The following NRXN1 variants were observed in gnomAD, a reference collection of about 807,000 sequenced individuals.
NRXN1 encodes neurexin-1.
NRXN1 carries 39 observed loss-of-function variants against 150.9 expected under a neutral mutation model. The observed-to-expected ratio is 0.26, with a 90% CI of 0.20 to 0.34. NRXN1 has a LOEUF of 0.34. NRXN1 is among the 10% of genes least tolerant of loss of function. The pLI is 1.00. For missense variants in NRXN1, 1,815 were observed against 1,949.9 expected, an observed-to-expected ratio of 0.93 and a Z score of 1.30; for synonymous variants, 924 against 757.0, an observed-to-expected ratio of 1.22 and a Z score of -3.62.
chr2:51,004,691 C>T (rs1338327174), intron 2 of NRXN1, among the ~76,000 whole-genome samples: 1 of 151,684 alleles, frequency 6.6e-6, no homozygotes, highest in Non-Finnish European at 1.5e-5. Flanking sequence ...AAAAGGGACT[C>T]GGGGGTATGA....
At chr2:50,107,605 A>AC (rs145800051) in intron 18 of NRXN1, among the ~76,000 whole-genome samples, 35,245 of 147,300 alleles carry the variant, frequency 0.24, 4,473 homozygotes, top group Middle Eastern at 0.34. Context: ...AGAAAAAAAA[A>AC]CTACCCAGCT....
At chr2:50,833,495 G>T (rs1026049192) in intron 5 of NRXN1, among the ~76,000 whole-genome samples, 1 of 152,182 alleles carries the variant, frequency 6.6e-6, no homozygotes, top group Non-Finnish European at 1.5e-5. Flanking sequence ...TATTTACAGA[G>T]AGAACTTGCA....
chr2:50,495,799 G>A (rs1429647995), intron 15 of NRXN1, 106 bp downstream of exon 15: 2 of 862,076 alleles, frequency 2.3e-6, no homozygotes, highest in African/African-American at 1.7e-5. Context: ...TGAAATTCTG[G>A]TCAGTCTTTG....
intron 5 of NRXN1, among the ~76,000 whole-genome samples, chr2:50,872,387 G>C (rs1344443129): frequency 2.0e-5 from 3 of 151,734 alleles, no homozygotes; most frequent in Non-Finnish European, 4.4e-5. Flanking sequence ...GAGGAGTGTG[G>C]AGTACTTGCA....
intron 5 of NRXN1, among the ~76,000 whole-genome samples, chr2:50,657,696 T>A (rs1266037624): frequency 1.3e-5 from 2 of 152,056 alleles, no homozygotes. Flanking sequence ...AAGAGTTCTG[T>A]GTTCTGCCAT....
intron 21 of NRXN1, among the ~76,000 whole-genome samples, chr2:50,050,385 T>G (rs1003976135): frequency 3.3e-5 from 5 of 152,042 alleles, no homozygotes; most frequent in African/African-American, 1.2e-4. Context: ...GTTTCCATAG[T>G]TTTAAAACAT....
At chr2:49,965,506 G>T (rs781299259) in intron 21 of NRXN1, among the ~76,000 whole-genome samples, 1 of 151,926 alleles carries the variant, frequency 6.6e-6, no homozygotes, top group Non-Finnish European at 1.5e-5. Flanking sequence ...GACCTCAGGC[G>T]ATCCACCCTC....
In NRXN1 at chr2:50,541,460, G is replaced by A. The variant is rs116053769; in HGVS notation, c.1760-2824C>T. 5.8e-3 allele frequency among the ~76,000 whole-genome samples: 890 copies of A among 152,252 alleles called. 28 individuals are homozygous for A. Among genetic ancestry groups the A allele is most frequent in the Admixed American group, 0.05 (766 of 15,282 alleles). ...TTTAGACAATCATTCATTACAGTTT[G>A]TCTGACAGTAAGGATGGAGTAACTG... On this transcript the variant is annotated intron_variant, in intron 9 of 22. Transcript: ENST00000401669.
chr2:49,943,467 G>C (rs1295346071), intron 22 of NRXN1, among the ~76,000 whole-genome samples: 1 of 152,154 alleles, frequency 6.6e-6, no homozygotes, highest in South Asian at 2.1e-4. Context: ...TAAGGTAGAA[G>C]CCCTGTGTGC....
In NRXN1 at chr2:50,483,050, CAAAAAA is replaced by C. The variant is rs70948712; in HGVS notation, c.3071-10585_3071-10580del. Among the ~76,000 whole-genome samples, 85 of 75,406 alleles carry C rather than the reference CAAAAAA, an allele frequency of 1.1e-3. 1 individual carries two copies. Among genetic ancestry groups the C allele is most frequent in the Admixed American group, 4.0e-3 (23 of 5,724 alleles). 49.5% of individuals were successfully genotyped at this position (75,406 alleles called of 152,430 possible). A position where few individuals can be genotyped will look rare whatever the true frequency, so the allele number is the denominator to read the frequency against. On this transcript the variant is annotated intron_variant, in intron 15 of 22. Transcript: ENST00000401669. The stretch of plus-strand genomic sequence containing the variant: ...TGGGCGACAGGGAGAGACTCCGTGT[CAAAAAA>C]AAAAAAAAAAAAAAAAAGGAATCTG...
intron 2 of NRXN1, among the ~76,000 whole-genome samples, chr2:50,990,761 GCT>G: frequency 6.6e-6 from 1 of 151,980 alleles, no homozygotes; most frequent in Non-Finnish European, 1.5e-5. Context: ...TCTCCCAGGA[GCT>G]GTTTCCCAGA....
In NRXN1 at chr2:50,582,802, A is replaced by G. The variant is rs149002910; in HGVS notation, c.1321-29777T>C. On this transcript the variant is annotated intron_variant, in intron 8 of 22. Coordinates refer to ENST00000401669, the MANE Select transcript of NRXN1 (RefSeq NM_001330078.2). ...TGGCTTCCAGTTCCCCCGCTGAACC[A>G]TATGGTTTCAGTTGGGTTTCAGTTG... is the stretch of plus-strand genomic sequence containing the variant. Among the ~76,000 whole-genome samples the G allele has an allele frequency of 3.7e-3, 567 of 152,294 alleles. 4 individuals carry two copies. Among genetic ancestry groups the G allele is most frequent in the African/African-American group, 0.013 (539 of 41,562 alleles).
chr2:50,236,709 C>T (rs1181441121), intron 18 of NRXN1, 80 bp downstream of exon 18: 1 of 1,376,076 alleles, frequency 7.3e-7, no homozygotes, highest in Non-Finnish European at 1.0e-6. Context: ...AAGGAAGCAT[C>T]CAAGAAGCAA....
At chr2:49,927,789 G>A (rs1238048300) in intron 22 of NRXN1, among the ~76,000 whole-genome samples, 1 of 151,938 alleles carries the variant, frequency 6.6e-6, no homozygotes, top group Non-Finnish European at 1.5e-5. Context: ...GCCATCAGAT[G>A]GTCTTTTTAT....
chr2:50,518,364 T>A (rs1558869661), intron 12 of NRXN1, among the ~76,000 whole-genome samples: 1 of 151,994 alleles, frequency 6.6e-6, no homozygotes. Flanking sequence ...GCTTATCACA[T>A]AACAGGACAG....
At chr2:50,993,027 C>T (rs1266691606) in intron 2 of NRXN1, among the ~76,000 whole-genome samples, 1 of 151,756 alleles carries the variant, frequency 6.6e-6, no homozygotes, top group African/African-American at 2.4e-5. Context: ...TGTGAAATAA[C>T]GTATGCAAGA....
chr2:50,334,645 T>C (rs1309208775), intron 17 of NRXN1, among the ~76,000 whole-genome samples: 2 of 152,194 alleles, frequency 1.3e-5, no homozygotes, highest in East Asian at 3.9e-4. Flanking sequence ...CACTAGGGAA[T>C]GTATGAATAT....
At chr2:50,093,768 G>A (rs1699880658) in intron 18 of NRXN1, among the ~76,000 whole-genome samples, 1 of 152,302 alleles carries the variant, frequency 6.6e-6, no homozygotes, top group South Asian at 2.1e-4. Flanking sequence ...CCATGAGGGA[G>A]ATGCTATTTT....
At chr2:50,098,863 T>G (rs1294435747) in intron 18 of NRXN1, among the ~76,000 whole-genome samples, 26 of 18,974 alleles carry the variant, frequency 1.4e-3, no homozygotes, top group Middle Eastern at 0.038. Flanking sequence ...TTTTTTTTTT[T>G]TTTTTTTTTT....
Sources: allele counts gnomAD v4.1 joint callset (sites outside exome capture counted in the v4.1 genomes callset), GRCh38; gene constraint gnomAD v4.1.1; transcripts MANE v1.5; gene names NCBI Gene and HGNC (gene_info 2026-07-23, HGNC 2026-07-21).